Variants in FYCO1 observed in about 807,000 individuals in gnomAD.
The protein encoded by FYCO1 is FYVE and coiled-coil domain autophagy adaptor 1.
A neutral mutation model predicts 165.1 loss-of-function variants in FYCO1; 122 were observed. That is an observed-to-expected ratio of 0.74 (90% confidence interval 0.64 to 0.86). The LOEUF (loss-of-function observed/expected upper bound fraction) is 0.86. Ranked by LOEUF, FYCO1 falls within the 40% of genes least tolerant of loss-of-function variation. The pLI, the probability that FYCO1 is intolerant of heterozygous loss-of-function variation, is 0.00. For synonymous variants in FYCO1, 648 were observed against 742.5 expected (o/e 0.87, Z 2.07); for missense variants, 1,702 against 1,810.3 (o/e 0.94, Z 1.09).
chr3:45,971,123 G>T (rs948527489), intron 6 of FYCO1, among the ~76,000 whole-genome samples: 1 of 152,094 alleles, frequency 6.6e-6, no homozygotes, highest in African/African-American at 2.4e-5. Context: ...GGGGTAATTG[G>T]ATAAATGGGA....
chr3:45,958,969 C>T (rs971158547), intron 12 of FYCO1, among the ~76,000 whole-genome samples: 5 of 152,236 alleles, frequency 3.3e-5, no homozygotes, highest in Admixed American at 3.3e-4. Flanking sequence ...CACCTGCCCC[C>T]AGCCCAGCCC....
At position 45,958,562 on chromosome 3, in the gene FYCO1, G is replaced by A. The variant is rs751989736; in HGVS notation, c.3645C>T (p.His1215=). The change falls in exon 13 of 18, where the codon CAC becomes CAT. Residue 1215 remains histidine (H), a synonymous_variant. Transcript: ENST00000296137. ...YCCNNYVLSK[H]GGKKERCCRA... ...GGCAGCAGCGCTCCTTTTTGCCACC[G>A]TGCTTGCTCAGGACGTAGTTGTTGC... 12 of 1,614,106 alleles carry A rather than the reference G, an allele frequency of 7.4e-6. No homozygotes were observed. The African/African-American group carries it at 9.3e-5, about 13-fold the overall frequency.
At chr3:45,948,526 C>T (rs1018524943) in intron 14 of FYCO1, among the ~76,000 whole-genome samples, 2 of 152,222 alleles carry the variant, frequency 1.3e-5, no homozygotes, top group Admixed American at 6.5e-5. Context: ...TGGTTTCTAA[C>T]CTCCTGTCCA....
chr3:45,928,495 G>C (rs761438463), intron 16 of FYCO1, among the ~76,000 whole-genome samples: 1 of 152,192 alleles, frequency 6.6e-6, no homozygotes, highest in African/African-American at 2.4e-5. Flanking sequence ...TCCAATCTCA[G>C]TGTCGAGTCT....
At chr3:45,992,696 G>A (rs572804218) in intron 1 of FYCO1, among the ~76,000 whole-genome samples, 185 of 152,264 alleles carry the variant, frequency 1.2e-3, no homozygotes, top group Non-Finnish European at 2.3e-3. Context: ...CTTGAAGGAG[G>A]TGGGAAAGGG....
At position 45,973,134 on chromosome 3, in the gene FYCO1, C is replaced by A; in HGVS notation, c.493G>T (p.Ala165Ser). 1 of 1,614,230 alleles carries A rather than the reference C, an allele frequency of 6.2e-7. No homozygotes were observed. The highest frequency in any genetic ancestry group is 8.5e-7 in the Non-Finnish European group (1 of 1,180,042). The change falls in exon 6 of 18, where the codon GCG (alanine) becomes TCG (serine). Residue 165 changes from alanine to serine, a missense_variant. By Grantham distance (99) the Ala-to-Ser change is moderately conservative (BLOSUM62 1). Transcript: ENST00000296137. The stretch of plus-strand genomic sequence containing the variant: ...GCATCCAAGTCAAAGCCCCTCGACG[C>A]CAGGTCAAACTGAACCTCAGTCAGC... ...YELTEVQFDL[A>S]SRGFDLDAAW... is the part of the protein sequence containing the mutation.
At chr3:45,950,980 A>C (rs1445921230) in intron 14 of FYCO1, among the ~76,000 whole-genome samples, 1 of 152,194 alleles carries the variant, frequency 6.6e-6, no homozygotes, top group Non-Finnish European at 1.5e-5. Flanking sequence ...CAGCTCCCCT[A>C]AACACTCTGA....
At position 45,978,236 on chromosome 3, in the gene FYCO1, C is replaced by T. The variant is rs79497598; in HGVS notation, c.288+1469G>A. ...CTGTCCAAAGTCATAAAGTTAAAGG[C>T]TTTAGTTGCTCTGATGCAGCGGCTG... On this transcript the variant is annotated intron_variant, in intron 4 of 17. Transcript: ENST00000296137. Among the ~76,000 whole-genome samples the T allele has an allele frequency of 2.6e-5, 4 of 152,306 alleles. No individual in the cohort carries two copies. In the East Asian group the frequency reaches 7.7e-4, roughly 29 times the overall value.
At chr3:45,977,425 T>C (rs994952686) in intron 4 of FYCO1, among the ~76,000 whole-genome samples, 2 of 142,766 alleles carry the variant, frequency 1.4e-5, no homozygotes, top group African/African-American at 5.5e-5. Flanking sequence ...CTATTTATTT[T>C]AAAAGGTATT....
At chr3:45,977,360 T>C (rs1299512961) in intron 4 of FYCO1, among the ~76,000 whole-genome samples, 3 of 5,750 alleles carry the variant, frequency 5.2e-4, no homozygotes, top group Non-Finnish European at 1.4e-3. Flanking sequence ...AATATATATA[T>C]ATATATATAT....
At chr3:45,940,106 A>C (rs1406226784) in intron 14 of FYCO1, among the ~76,000 whole-genome samples, 1 of 152,218 alleles carries the variant, frequency 6.6e-6, no homozygotes, top group Admixed American at 6.5e-5. Flanking sequence ...TATTGTATTA[A>C]CTTGATTTTA....
chr3:45,959,440 G>A lies in FYCO1; in HGVS notation c.3540C>T (p.Leu1180=), dbSNP rs757089978. The change falls in exon 12 of 18, where the codon CTC becomes CTT. Residue 1180 remains leucine, a synonymous_variant. Coordinates refer to ENST00000296137, the MANE Select transcript of FYCO1 (RefSeq NM_024513.4). ...TCCAGCTGAACTCCCGCTTACAGTC[G>A]AGGCAGTGGTTTGCCTCTGTGTCTC... ...WLGDTEANHC[L]DCKREFSWMV... 3.1e-6 allele frequency: 5 copies of A among 1,614,100 alleles called. No homozygotes were observed. The highest frequency in any genetic ancestry group is 2.7e-5 in the African/African-American group (2 of 75,040).
In FYCO1 at chr3:45,931,251, G is replaced by A. The variant is rs373785569; in HGVS notation, c.4071C>T (p.Ile1357=). The change falls in exon 16 of 18, where the codon ATC becomes ATT. Residue 1357 remains isoleucine (I), a synonymous_variant. Transcript: ENST00000296137. ...CCCTGCTACCCTCCCCGAAGCTGGC[G>A]ATCTCATCCACTGTGAGGGGTACTT... ...MIKVPLTVDE[I]ASFGEGSREL... is the part of the protein sequence containing the mutation. 2.2e-5 allele frequency: 35 copies of A among 1,613,736 alleles called. No homozygotes were observed. Among genetic ancestry groups the A allele is most frequent in the East Asian group, 1.8e-4 (8 of 44,890 alleles).
chr3:45,981,379 A>G (rs546780303), intron 3 of FYCO1, among the ~76,000 whole-genome samples, 191 bp downstream of exon 3: 26 of 152,346 alleles, frequency 1.7e-4, no homozygotes, highest in South Asian at 8.3e-4. Context: ...AAGGGGCAAC[A>G]TTGCAATTCC....
At chr3:45,971,487 C>T (rs1362846834) in intron 6 of FYCO1, among the ~76,000 whole-genome samples, 9 of 152,148 alleles carry the variant, frequency 5.9e-5, no homozygotes, top group East Asian at 3.8e-4. Flanking sequence ...TGGCAAGCAC[C>T]GCCTTACCCA....
chr3:45,967,405 C>T lies in FYCO1; in HGVS notation c.1929G>A (p.Gln643=), dbSNP rs200743505. The change falls in exon 8 of 18, where the codon CAG becomes CAA. Residue 643 remains glutamine (Q), a synonymous_variant. Coordinates refer to ENST00000296137, the MANE Select transcript of FYCO1 (RefSeq NM_024513.4). ...GCTGCTGCAAAGCCTGGTAATCGGCCTGCAGGGCTTGCAGCTTGCCCTCCA... is the reference window on the plus strand; with the variant it reads ...GCTGCTGCAAAGCCTGGTAATCGGCTTGCAGGGCTTGCAGCTTGCCCTCCA... ...QLLEGKLQAL[Q]ADYQALQQRE... 33 of 1,612,948 alleles carry T rather than the reference C, an allele frequency of 2.0e-5. No homozygotes were observed. Among genetic ancestry groups the T allele is most frequent in the Non-Finnish European group, 2.7e-5 (32 of 1,179,554 alleles).
At position 45,958,774 on chromosome 3, in the gene FYCO1, T is replaced by C. The variant is rs1705514349; in HGVS notation, c.3588-155A>G. ...GTGGCCATGAGCTCATTTCATAAGATTCCAACAAAGCCTTCTTGTCAGCTT... is the reference window on the plus strand; with the variant it reads ...GTGGCCATGAGCTCATTTCATAAGACTCCAACAAAGCCTTCTTGTCAGCTT... On this transcript the variant is annotated intron_variant, in intron 12 of 17. Coordinates refer to ENST00000296137, the MANE Select transcript of FYCO1 (RefSeq NM_024513.4). 77 of 740,200 alleles carry C rather than the reference T, an allele frequency of 1.0e-4. 3 individuals are homozygous for C. The South Asian group carries it at 1.0e-3, about 10-fold the overall frequency. 45.9% of individuals were successfully genotyped at this position (740,200 alleles called of 1,614,324 possible).
In FYCO1 at chr3:45,965,035, T is replaced by G. The variant is rs374658886; in HGVS notation, c.3148A>C (p.Lys1050Gln). The part of the protein sequence containing the change: ...QAAEEAVEKL[K>Q]ATQADMGEKL... ...AGGTCTACACTACCAGGGCCTACCT[T>G]CAGCTTCTCCACAGCTTCCTCAGCA... is the stretch of plus-strand genomic sequence containing the variant. The change falls in exon 9 of 18, where the codon AAG (lysine) becomes CAG (glutamine). Residue 1050 changes from lysine to glutamine, a missense_variant and splice_region_variant. Lys to Gln is a moderately conservative substitution (Grantham distance 53). Coordinates refer to ENST00000296137, the MANE Select transcript of FYCO1 (RefSeq NM_024513.4). The G allele has an allele frequency of 1.2e-6, 2 of 1,613,786 alleles. No homozygotes were observed. The highest frequency in any genetic ancestry group is 2.7e-5 in the African/African-American group (2 of 74,888).
rs758739876 is a variant in FYCO1 at position 45,968,340 on chromosome 3, C to G, written c.994G>C (p.Asp332His). The G allele has an allele frequency of 6.2e-7, 1 of 1,613,496 alleles. No individual in the cohort carries two copies. Among genetic ancestry groups the G allele is most frequent in the East Asian group, 2.2e-5 (1 of 44,888 alleles). ...AGCCGCCGCAGGGCTGTGTGGTAGT[C>G]CTCCTCCTTCTCTGCTGCTCCTAGC... Reference protein sequence around the residue: ...LELGAAEKEEDYHTALRRLES... With the variant: ...LELGAAEKEEHYHTALRRLES... Residue 332 changes from aspartate to histidine, a missense_variant, in exon 8 of 18, where the codon GAC becomes CAC. By Grantham distance (81) the Asp-to-His change is moderately conservative. Transcript: ENST00000296137.
Sources: gnomAD v4.1 joint callset for allele counts (sites outside exome capture counted in the v4.1 genomes callset) on GRCh38, gnomAD v4.1.1 for gene constraint, MANE v1.5 for transcripts, NCBI Gene and HGNC (gene_info 2026-07-23, HGNC 2026-07-21) for gene names.